Variants in XRN1 observed in about 807,000 individuals in gnomAD.
XRN1 encodes the protein 5'-3' exoribonuclease 1, also known as strand-exchange protein 1 homolog.
XRN1 carries 67 observed loss-of-function variants against 222.3 expected under a neutral mutation model. The observed-to-expected ratio is 0.30, with a 90% CI of 0.25 to 0.37. The LOEUF (loss-of-function observed/expected upper bound fraction) is 0.37. XRN1 is among the 10% of genes least tolerant of loss of function. XRN1 has a pLI of 1.00. For synonymous variants in XRN1, 643 were observed against 652.4 expected, an observed-to-expected ratio of 0.99 and a Z score of 0.22; for missense variants, 1,707 against 2,000.2, an observed-to-expected ratio of 0.85 and a Z score of 2.80.
intron 20 of XRN1, among the ~76,000 whole-genome samples, chr3:142,388,117 AAC>A (rs1433425970): frequency 8.5e-5 from 13 of 152,164 alleles, no homozygotes; most frequent in Non-Finnish European, 1.9e-4. Context: ...ACACTTGAAA[AAC>A]ACAGGTTTGA....
chr3:142,331,923 C>T (rs888453777), intron 36 of XRN1, among the ~76,000 whole-genome samples: 5 of 152,156 alleles, frequency 3.3e-5, no homozygotes, highest in East Asian at 1.9e-4. Flanking sequence ...TACAGGCACA[C>T]GCCACCACAC....
chr3:142,414,498 T>TTA (rs72203591), intron 13 of XRN1, among the ~76,000 whole-genome samples: 1 of 143,020 alleles, frequency 7.0e-6, no homozygotes, highest in Non-Finnish European at 1.5e-5. Context: ...ATTTCCTGAA[T>TTA]TTTTTTTTTT....
chr3:142,337,430 T>A (rs2065880667), intron 33 of XRN1, among the ~76,000 whole-genome samples: 1 of 152,238 alleles, frequency 6.6e-6, no homozygotes. Context: ...TTTTTAGTCA[T>A]GTATCCCCAG....
intron 10 of XRN1, among the ~76,000 whole-genome samples, chr3:142,420,720 C>T (rs1035534844): frequency 7.3e-5 from 11 of 151,688 alleles, no homozygotes; most frequent in African/African-American, 2.2e-4. Flanking sequence ...TTTAAAAAGC[C>T]CAGAAAATAA....
intron 25 of XRN1, among the ~76,000 whole-genome samples, chr3:142,375,217 A>C (rs2067106089): frequency 6.6e-6 from 1 of 152,192 alleles, no homozygotes; most frequent in South Asian, 2.1e-4. Flanking sequence ...GAAACTAATA[A>C]AGAGATCTTC....
chr3:142,392,239 A>C (rs2067752769), intron 20 of XRN1, among the ~76,000 whole-genome samples: 1 of 151,950 alleles, frequency 6.6e-6, no homozygotes, highest in African/African-American at 2.4e-5. Context: ...CAATGTCTAC[A>C]TGTATGATCT....
chr3:142,403,653 A>T, intron 18 of XRN1, 21 bp downstream of exon 18: 1 of 1,599,912 alleles, frequency 6.3e-7, no homozygotes, highest in Non-Finnish European at 8.6e-7. Context: ...CTAATAAATG[A>T]ATGATAAATA....
At chr3:142,384,977 TAA>T (rs779786430) in intron 20 of XRN1, among the ~76,000 whole-genome samples, 95 of 152,246 alleles carry the variant, frequency 6.2e-4, no homozygotes, top group Admixed American at 1.9e-3. Context: ...GGGAAAAAAA[TAA>T]GTTTTGGTGA....
chr3:142,412,594 C>T lies in XRN1; in HGVS notation c.1663G>A (p.Gly555Arg). 1 of 1,607,972 alleles carries T rather than the reference C, an allele frequency of 6.2e-7. No homozygotes were observed. Among genetic ancestry groups the T allele is most frequent in the Non-Finnish European group, 8.5e-7 (1 of 1,176,024 alleles). The change falls in exon 15 of 41, where the codon GGG becomes AGG. Residue 555 changes from glycine to arginine, a missense_variant. By Grantham distance (125) the Gly-to-Arg change is moderately radical (BLOSUM62 -2). This residue lies in a region of XRN1 where 1,234 missense variants were observed against 1,518.2 expected (regional missense o/e 0.81). Transcript: ENST00000392981. ...YPPDFKTDLN[G>R]KQQEWEAVVL... ...ACAGCTTCCCATTCCTGTTGTTTCC[C>T]ATTTAGGTCAGTTTTAAAATCAGGT...
intron 10 of XRN1, 127 bp downstream of exon 10, chr3:142,420,889 T>C: frequency 8.6e-7 from 1 of 1,159,930 alleles, no homozygotes; most frequent in Non-Finnish European, 1.2e-6. Context: ...ATTTCTGAAA[T>C]GCCTATAGAG....
At chr3:142,354,413 T>C (rs1559809422) in intron 32 of XRN1, among the ~76,000 whole-genome samples, 1 of 152,166 alleles carries the variant, frequency 6.6e-6, no homozygotes, top group Non-Finnish European at 1.5e-5. Flanking sequence ...GACCCAGCAA[T>C]CCCATTGTTG....
At chr3:142,333,633 C>T (rs1001606925) in intron 34 of XRN1, among the ~76,000 whole-genome samples, 8 of 152,108 alleles carry the variant, frequency 5.3e-5, no homozygotes, top group Non-Finnish European at 8.8e-5. Context: ...TGTTAAAATC[C>T]TAACTCCTAA....
In XRN1 at chr3:142,432,849, T is replaced by G; in HGVS notation, c.120A>C (p.Ile40=). ...DNLYLDMNGI[I]HQCSHPNDDD... ...CATCATTAGGATGGGAGCACTGATG[T>G]ATAATTCCATTCATATCCAGGTACA... The change falls in exon 2 of 41, where the codon ATA becomes ATC. Residue 40 remains isoleucine (I), a synonymous_variant. Coordinates refer to ENST00000392981, the MANE Select transcript of XRN1 (RefSeq NM_001282857.2). 1 of 1,613,686 alleles carries G rather than the reference T, an allele frequency of 6.2e-7. No homozygotes were observed. The highest frequency in any genetic ancestry group is 8.5e-7 in the Non-Finnish European group (1 of 1,179,852).
rs935110987 is a variant in XRN1, at chr3:142,306,643, T to C, written c.*4868A>G. On this transcript the variant is annotated 3_prime_UTR_variant, in exon 41 of 41. Transcript: ENST00000392981. The stretch of plus-strand genomic sequence containing the variant: ...TTCTCAAGTCTTTAATTAAAATCCA[T>C]AGAGCATTTAACATGAACAGATGTT... The C allele has an allele frequency of 6.6e-6, 1 of 152,364 alleles. No homozygotes were observed. The highest frequency in any genetic ancestry group is 1.5e-5 in the Non-Finnish European group (1 of 68,032). The allele number at this position is 152,364 out of a possible 1,614,324, so 9.4% of individuals were successfully genotyped here.
intron 1 of XRN1, among the ~76,000 whole-genome samples, chr3:142,440,937 A>G (rs1190681813): frequency 6.6e-6 from 1 of 152,190 alleles, no homozygotes; most frequent in Non-Finnish European, 1.5e-5. Flanking sequence ...GAATTAGCCC[A>G]AGACTTGAGC....
At position 142,375,789 on chromosome 3, in the gene XRN1, T is replaced by C. The variant is rs6796807; in HGVS notation, c.2978+9A>G. On this transcript the variant is annotated intron_variant, in intron 25 of 40. Transcript: ENST00000392981. ...TGGAATGACTACTAGTATCTTATTA[T>C]GTACTTACCTCTCTAAGTACTCTGC... The C allele has an allele frequency of 0.015, 24,001 of 1,606,566 alleles. 3,088 individuals are homozygous for C. The African/African-American group carries it at 0.28, about 19-fold the overall frequency.
chr3:142,369,654 TAA>T (rs761560470), intron 27 of XRN1, among the ~76,000 whole-genome samples: 6 of 120,352 alleles, frequency 5.0e-5, no homozygotes, highest in Admixed American at 8.4e-5. Flanking sequence ...TCTCCAAAAT[TAA>T]AAAAAAAAAA....
intron 37 of XRN1, among the ~76,000 whole-genome samples, chr3:142,327,248 T>G (rs2065542523): frequency 6.6e-6 from 1 of 152,136 alleles, no homozygotes; most frequent in African/African-American, 2.4e-5. Context: ...TCTACTTTGA[T>G]AAGAGGCTTT....
At chr3:142,322,688 C>CA (rs199808528) in intron 37 of XRN1, among the ~76,000 whole-genome samples, 175 of 150,744 alleles carry the variant, frequency 1.2e-3, no homozygotes, top group African/African-American at 3.8e-3. Flanking sequence ...AACAAACAAA[C>CA]AAAAAAAAAT....
Sources: gnomAD v4.1 joint callset for allele counts (sites outside exome capture counted in the v4.1 genomes callset) on GRCh38, gnomAD v4.1.1 for gene constraint, gnomAD v4.1.1 regional missense constraint, MANE v1.5 for transcripts, NCBI Gene and HGNC (gene_info 2026-07-23, HGNC 2026-07-21) for gene names.